C12orf42: variants seen among roughly 807,000 people sequenced by gnomAD.
C12orf42 encodes uncharacterized protein C12orf42.
A neutral mutation model predicts 21.6 loss-of-function variants in C12orf42; 25 were observed. The ratio of observed to expected loss-of-function variants is 1.16; its 90% CI spans 0.84 to 1.62. C12orf42 has a LOEUF of 1.62. Ranked by LOEUF, C12orf42 falls within the 40% of genes most tolerant of loss-of-function variation. The probability of loss-of-function intolerance (pLI) is 0.00; values close to 1 mark genes in which losing one functional copy is unlikely to be tolerated. For synonymous variants in C12orf42, 174 were observed against 175.0 expected (o/e 0.99, Z 0.05); for missense variants, 483 against 459.3 (o/e 1.05, Z -0.47).
At chr12:103,299,804 T>C (rs908731867), downstream of C12orf42, among the ~76,000 whole-genome samples, 20 of 152,192 alleles carry the variant, frequency 1.3e-4, no homozygotes, top group African/African-American at 4.1e-4. Flanking sequence ...TAAGTTATAG[T>C]ACAAAAGAAG....
At chr12:103,528,966 A>G in the C12orf42 span, among the ~76,000 whole-genome samples, 1 of 152,146 alleles carries the variant, frequency 6.6e-6, no homozygotes, top group Non-Finnish European at 1.5e-5. Flanking sequence ...GGTGAGTGGT[A>G]GGGCAGAGAT....
chr12:103,429,626 T>G (rs902442327), intron 2 of C12orf42, among the ~76,000 whole-genome samples: 33 of 152,092 alleles, frequency 2.2e-4, no homozygotes, highest in African/African-American at 6.8e-4. Flanking sequence ...CTACTTTAAA[T>G]TTTATATGGA....
At chr12:103,399,743 G>A (rs966922581) in intron 3 of C12orf42, among the ~76,000 whole-genome samples, 5 of 151,810 alleles carry the variant, frequency 3.3e-5, no homozygotes, top group African/African-American at 1.2e-4. Context: ...TTTCTTTACT[G>A]TTGCTTTTAG....
chr12:103,180,174 G>A, the C12orf42 span, among the ~76,000 whole-genome samples: 1 of 151,830 alleles, frequency 6.6e-6, no homozygotes, highest in African/African-American at 2.4e-5. Flanking sequence ...TTGGTGGGAG[G>A]AGTCAGCAAA....
intron 2 of C12orf42, among the ~76,000 whole-genome samples, chr12:103,453,506 C>G (rs1404813877): frequency 6.6e-6 from 1 of 151,756 alleles, no homozygotes; most frequent in African/African-American, 2.4e-5. Context: ...TTGTATTCAT[C>G]TTTTCAAAAA....
chr12:103,474,397 A>G (rs1016717720), intron 2 of C12orf42, among the ~76,000 whole-genome samples: 1 of 151,614 alleles, frequency 6.6e-6, no homozygotes, highest in African/African-American at 2.4e-5. Flanking sequence ...ATATATATAT[A>G]TATTCTTGAT....
the C12orf42 span, among the ~76,000 whole-genome samples, chr12:103,201,928 GC>G: frequency 4.9e-4 from 74 of 151,700 alleles, no homozygotes; most frequent in African/African-American, 1.3e-3. Flanking sequence ...TAAGTAATTA[GC>G]CAAAAAAAAG....
At chr12:103,530,555 G>A in the C12orf42 span, among the ~76,000 whole-genome samples, 1 of 152,086 alleles carries the variant, frequency 6.6e-6, no homozygotes, top group African/African-American at 2.4e-5. Context: ...TGTTCAGACG[G>A]TTGGCACAGG....
chr12:103,427,888 G>A (rs974333864), intron 2 of C12orf42, among the ~76,000 whole-genome samples: 2 of 152,156 alleles, frequency 1.3e-5, no homozygotes, highest in South Asian at 2.1e-4. Flanking sequence ...GGTAAATAAC[G>A]AAATTAAGGC....
intron 2 of C12orf42, among the ~76,000 whole-genome samples, chr12:103,467,180 T>C (rs1209789108): frequency 2.0e-5 from 3 of 152,246 alleles, no homozygotes; most frequent in Admixed American, 6.5e-5. Context: ...TGGATATCAC[T>C]GATGAGATCC....
the C12orf42 span, among the ~76,000 whole-genome samples, chr12:103,117,166 C>T: frequency 2.0e-5 from 3 of 152,174 alleles, no homozygotes; most frequent in Admixed American, 2.0e-4. Context: ...TTTGTTTTAT[C>T]TTTTAACAAA....
the C12orf42 span, among the ~76,000 whole-genome samples, chr12:103,560,793 C>A: frequency 6.6e-6 from 1 of 152,132 alleles, no homozygotes; most frequent in African/African-American, 2.4e-5. Flanking sequence ...AGAGTGCATA[C>A]CCTCTTAGTC....
intron 2 of C12orf42, among the ~76,000 whole-genome samples, chr12:103,462,341 C>T (rs546214132): frequency 4.4e-4 from 66 of 151,706 alleles, no homozygotes; most frequent in African/African-American, 1.5e-3. Context: ...GAACCCCTGA[C>T]CTCAGGTGAT....
At chr12:103,507,432 G>A in the C12orf42 span, among the ~76,000 whole-genome samples, 1 of 144,982 alleles carries the variant, frequency 6.9e-6, no homozygotes, top group African/African-American at 2.6e-5. Context: ...CACTCTGGGA[G>A]GCCAAGGCAG....
At chr12:103,558,377 C>T in the C12orf42 span, 1 of 152,238 alleles carries the variant, frequency 6.6e-6, no homozygotes, top group African/African-American at 2.4e-5. Flanking sequence ...CTGTACCCTT[C>T]ACTCACGGTA....
At chr12:103,099,151 C>T in the C12orf42 span, among the ~76,000 whole-genome samples, 1 of 152,136 alleles carries the variant, frequency 6.6e-6, no homozygotes, top group Admixed American at 6.5e-5. Context: ...TCCACATTTG[C>T]AAGGGCTGTG....
chr12:103,071,579 C>T, the C12orf42 span, among the ~76,000 whole-genome samples: 5 of 152,022 alleles, frequency 3.3e-5, no homozygotes, highest in Non-Finnish European at 5.9e-5. Flanking sequence ...ATCATGGGGG[C>T]GGTTTTTCCC....
chr12:103,119,493 A>C, the C12orf42 span, among the ~76,000 whole-genome samples: 1 of 152,176 alleles, frequency 6.6e-6, no homozygotes. Flanking sequence ...GAAATAGGCT[A>C]TGGTGGCAGA....
chr12:103,440,264 CG>C (rs1951099302), intron 2 of C12orf42, among the ~76,000 whole-genome samples: 1 of 95,302 alleles, frequency 1.0e-5, no homozygotes, highest in African/African-American at 4.3e-5. Context: ...GTGGTGGGGT[CG>C]GGGGAGGGGG....
Sources: allele counts gnomAD v4.1 joint callset (sites outside exome capture counted in the v4.1 genomes callset), GRCh38; gene constraint gnomAD v4.1.1; transcripts MANE v1.5; gene names NCBI Gene and HGNC (gene_info 2026-07-23, HGNC 2026-07-21).